Variants in TANC1 observed in about 807,000 individuals in gnomAD.
TANC1 encodes the protein protein TANC1.
In TANC1, 77 loss-of-function variants were observed where a neutral mutation model predicts 149.7. The ratio of observed to expected loss-of-function variants is 0.51; its 90% CI spans 0.43 to 0.62. The LOEUF (loss-of-function observed/expected upper bound fraction) is 0.62, where lower values mean the gene tolerates loss of function less well. Among genes scored for constraint, TANC1 ranks in the 20% least tolerant of loss-of-function variants. TANC1 has a pLI of 0.00. For missense variants in TANC1, 1,985 were observed against 2,321.8 expected (o/e 0.85, Z 2.98); for synonymous variants, 854 against 925.0 (o/e 0.92, Z 1.39).
At chr2:159,161,662 A>G (rs891193086) in intron 7 of TANC1, among the ~76,000 whole-genome samples, 1 of 152,242 alleles carries the variant, frequency 6.6e-6, no homozygotes, top group Non-Finnish European at 1.5e-5. Flanking sequence ...AAAGAGTCAT[A>G]CTTGCTATGC....
chr2:159,008,500 A>G (rs562766535), intron 2 of TANC1, among the ~76,000 whole-genome samples: 2 of 152,218 alleles, frequency 1.3e-5, no homozygotes, highest in African/African-American at 4.8e-5. Context: ...TGCTCAGGTT[A>G]ACCATAATGA....
intron 7 of TANC1, among the ~76,000 whole-genome samples, chr2:159,155,764 A>C (rs980109266): frequency 6.6e-6 from 1 of 152,228 alleles, no homozygotes; most frequent in Non-Finnish European, 1.5e-5. Context: ...TAGACAGGGG[A>C]ATACCTTCGT....
chr2:159,062,973 C>CCA (rs770866772), intron 2 of TANC1, among the ~76,000 whole-genome samples: 6 of 41,214 alleles, frequency 1.5e-4, no homozygotes, highest in Non-Finnish European at 2.7e-4. Flanking sequence ...GACTCCGTCT[C>CCA]AAAAAAAAAA....
At chr2:159,197,202 A>G (rs1241308684) in intron 18 of TANC1, among the ~76,000 whole-genome samples, 3 of 152,210 alleles carry the variant, frequency 2.0e-5, no homozygotes, top group Admixed American at 2.0e-4. Flanking sequence ...AAGGATTTTT[A>G]AAAATAGAGC....
At chr2:159,053,424 C>A (rs928705411) in intron 2 of TANC1, among the ~76,000 whole-genome samples, 2 of 152,226 alleles carry the variant, frequency 1.3e-5, no homozygotes, top group African/African-American at 4.8e-5. Flanking sequence ...CGCAGTGATG[C>A]ATATGCTGAT....
rs970398494 is a variant in TANC1 at position 159,185,858 on chromosome 2, A to G, written c.2578A>G (p.Met860Val). 4 of 1,614,182 alleles carry G rather than the reference A, an allele frequency of 2.5e-6. No homozygotes were observed. Among genetic ancestry groups the G allele is most frequent in the Non-Finnish European group, 3.4e-6 (4 of 1,180,020 alleles). The change falls in exon 15 of 27, where the codon ATG becomes GTG. Residue 860 changes from methionine to valine, a missense_variant. Transcript: ENST00000263635. ...QEGKLNRQQT[M>V]ELGHHILKAH... is the part of the protein sequence containing the mutation. ...GGGCAAGTTGAACCGCCAGCAGACC[A>G]TGGAGCTTGGCCACCACATCCTGAA...
At chr2:159,211,957 A>C (rs57579977) in intron 19 of TANC1, among the ~76,000 whole-genome samples, 1 of 152,092 alleles carries the variant, frequency 6.6e-6, no homozygotes, top group African/African-American at 2.4e-5. Context: ...GGGGTGGCGC[A>C]CTCGCCCCTT....
rs1250389483 is a variant in TANC1 at position 159,230,525 on chromosome 2, G to C, written c.5099G>C (p.Arg1700Thr). The change falls in exon 27 of 27, where the codon AGA becomes ACA. Residue 1700 changes from arginine to threonine, a missense_variant. By Grantham distance (71) the Arg-to-Thr change is moderately conservative. Coordinates refer to ENST00000263635, the MANE Select transcript of TANC1 (RefSeq NM_033394.3). The surrounding 1 kb of genome is among the most constrained non-coding windows in gnomAD (Gnocchi z 4.4). ...TTCAAGGTCCAAGGACCAGATACTA[G>C]AATTAAAGACAAGGTTGTAACCCAC... ...DGFKVQGPDT[R>T]IKDKVVTHVQ... is the part of the protein sequence containing the mutation. 1.2e-6 allele frequency: 2 copies of C among 1,614,088 alleles called. No homozygotes were observed. The highest frequency in any genetic ancestry group is 1.1e-5 in the South Asian group (1 of 91,086).
intron 2 of TANC1, among the ~76,000 whole-genome samples, chr2:159,057,807 G>A (rs35826593): frequency 0.24 from 37,243 of 152,078 alleles, 5,999 homozygotes; most frequent in Non-Finnish European, 0.37. Flanking sequence ...AGAAGGCTTC[G>A]AAGATGAGGT....
chr2:159,062,992 A>AAAAAAAAG (rs1559188236), intron 2 of TANC1, among the ~76,000 whole-genome samples: 1 of 147,506 alleles, frequency 6.8e-6, no homozygotes, highest in African/African-American at 2.5e-5. Flanking sequence ...AAAAAAAAAA[A>AAAAAAAAG]AAAGAAAGCA....
chr2:159,092,413 C>G (rs1445748271), intron 3 of TANC1, among the ~76,000 whole-genome samples: 1 of 152,198 alleles, frequency 6.6e-6, no homozygotes, highest in Non-Finnish European at 1.5e-5. Flanking sequence ...TTTAAACATT[C>G]ATCTCCCAGA....
At chr2:159,037,520 A>G (rs1207148974) in intron 2 of TANC1, among the ~76,000 whole-genome samples, 2 of 152,166 alleles carry the variant, frequency 1.3e-5, no homozygotes, top group East Asian at 3.9e-4. Flanking sequence ...TCCATCTTGA[A>G]TTAATTTTTG....
At chr2:159,051,651 T>TTG (rs58015346) in intron 2 of TANC1, among the ~76,000 whole-genome samples, 15,368 of 142,772 alleles carry the variant, frequency 0.11, 921 homozygotes, top group East Asian at 0.23. Context: ...GAAGTGGTGT[T>TTG]TGTGTGTGTG....
At chr2:159,184,390 C>T (rs1344453405) in intron 14 of TANC1, among the ~76,000 whole-genome samples, 1 of 152,134 alleles carries the variant, frequency 6.6e-6, no homozygotes, top group Non-Finnish European at 1.5e-5. Flanking sequence ...GTTGTCTCCT[C>T]AGAGAGGTGG....
At chr2:159,163,189 T>A (rs769183106) in intron 7 of TANC1, 94 bp from the exon 8 acceptor site, 3 of 1,277,434 alleles carry the variant, frequency 2.3e-6, no homozygotes, top group South Asian at 1.5e-5. Flanking sequence ...TGGAAAACTT[T>A]CCATTGATCC....
chr2:159,145,345 A>G (rs547285004), intron 5 of TANC1, among the ~76,000 whole-genome samples: 1 of 152,332 alleles, frequency 6.6e-6, no homozygotes, highest in South Asian at 2.1e-4. Context: ...CTTGGTGTTA[A>G]AGTTGGTAGA....
rs868355899 is a variant in TANC1, at chr2:159,051,657, G to A, written c.-15-14239G>A. On this transcript the variant is annotated intron_variant, in intron 2 of 26. Coordinates refer to ENST00000263635, the MANE Select transcript of TANC1 (RefSeq NM_033394.3). The stretch of plus-strand genomic sequence containing the variant: ...AATTTAGTTGAAGTGGTGTTTGTGT[G>A]TGTGTGTGTGTGTGTGTGTGTGTGT... Among the ~76,000 whole-genome samples, 134 of 127,174 alleles carry A rather than the reference G, an allele frequency of 1.1e-3. 1 individual carries two copies. The highest frequency in any genetic ancestry group is 1.8e-3 in the Non-Finnish European group (118 of 65,842). The allele number at this position is 127,174 out of a possible 152,430, so 83.4% of individuals were successfully genotyped here.
intron 3 of TANC1, among the ~76,000 whole-genome samples, chr2:159,080,566 T>C (rs911809003): frequency 4.6e-5 from 7 of 152,158 alleles, no homozygotes; most frequent in African/African-American, 1.7e-4. Flanking sequence ...ATATTTCCTA[T>C]GTAAAATCTG....
At chr2:159,111,448 A>G (rs1334764749) in intron 4 of TANC1, among the ~76,000 whole-genome samples, 1 of 152,210 alleles carries the variant, frequency 6.6e-6, no homozygotes, top group African/African-American at 2.4e-5. Context: ...ACCCTTGAAC[A>G]TCCCTCAGAT....
Sources: allele counts gnomAD v4.1 joint callset (sites outside exome capture counted in the v4.1 genomes callset), GRCh38; gene constraint gnomAD v4.1.1; non-coding constraint Gnocchi (gnomAD v3.1); transcripts MANE v1.5; gene names NCBI Gene and HGNC (gene_info 2026-07-23, HGNC 2026-07-21).